The following MCTP1 variants were observed in gnomAD, a reference collection of about 807,000 sequenced individuals.
The protein encoded by MCTP1 is multiple C2 and transmembrane domain containing 1.
MCTP1 carries 69 observed loss-of-function variants against 120.6 expected under a neutral mutation model. The observed-to-expected ratio is 0.57, with a 90% CI of 0.47 to 0.70. The LOEUF is 0.70. Among genes scored for constraint, MCTP1 ranks in the 30% least tolerant of loss-of-function variants. The probability of loss-of-function intolerance (pLI) is 0.00; values close to 1 mark genes in which losing one functional copy is unlikely to be tolerated. For synonymous variants in MCTP1, 529 were observed against 493.1 expected (o/e 1.07, Z -0.96); for missense variants, 1,203 against 1,248.8 (o/e 0.96, Z 0.55).
At chr5:94,723,977 G>A (rs1322554868) in intron 19 of MCTP1, among the ~76,000 whole-genome samples, 1 of 152,048 alleles carries the variant, frequency 6.6e-6, no homozygotes, top group Non-Finnish European at 1.5e-5. Flanking sequence ...ATACTCTAAC[G>A]GATGGAAGAA....
chr5:94,879,336 G>GCAAA (rs1799573417), intron 12 of MCTP1, among the ~76,000 whole-genome samples: 3 of 152,024 alleles, frequency 2.0e-5, no homozygotes, highest in African/African-American at 7.2e-5. Context: ...TTTTCATTAT[G>GCAAA]TAAATTTTCA....
chr5:94,995,432 T>C (rs1272117361), intron 2 of MCTP1, among the ~76,000 whole-genome samples: 2 of 152,168 alleles, frequency 1.3e-5, no homozygotes, highest in Non-Finnish European at 2.9e-5. Context: ...TATAAGAACA[T>C]CGTGTTAAAT....
At chr5:95,094,114 T>A (rs974015098) in intron 1 of MCTP1, among the ~76,000 whole-genome samples, 3 of 152,148 alleles carry the variant, frequency 2.0e-5, no homozygotes, top group Non-Finnish European at 4.4e-5. Flanking sequence ...ACGTGAAGAT[T>A]GAGGTACAAA....
chr5:94,982,997 A>T (rs2153600161), intron 2 of MCTP1, among the ~76,000 whole-genome samples: 1 of 150,208 alleles, frequency 6.7e-6, no homozygotes, highest in South Asian at 2.2e-4. Flanking sequence ...CAAAAATCAG[A>T]TTTGAAGAAT....
At chr5:95,020,614 C>CT (rs1245939737) in intron 1 of MCTP1, among the ~76,000 whole-genome samples, 1 of 151,856 alleles carries the variant, frequency 6.6e-6, no homozygotes, top group African/African-American at 2.4e-5. Context: ...TAAAGCTGTC[C>CT]TTTTTTCCCC....
At chr5:95,252,341 T>C (rs1220309766) in intron 1 of MCTP1, among the ~76,000 whole-genome samples, 1 of 152,170 alleles carries the variant, frequency 6.6e-6, no homozygotes, top group Non-Finnish European at 1.5e-5. Flanking sequence ...AACTGGAAGA[T>C]AGGGGCACTA....
intron 9 of MCTP1, among the ~76,000 whole-genome samples, chr5:94,912,428 CAAAAAAAAAAAAAAAAAAA>C (rs564439495): frequency 3.8e-4 from 12 of 31,424 alleles, no homozygotes; most frequent in African/African-American, 5.8e-4. Flanking sequence ...GAGACTCCAT[CAAAAAAAAAAAAAAAAAAA>C]AAAAAAAAAA....
At chr5:95,170,473 T>C (rs1747100294) in intron 1 of MCTP1, among the ~76,000 whole-genome samples, 1 of 152,194 alleles carries the variant, frequency 6.6e-6, no homozygotes, top group South Asian at 2.1e-4. Context: ...CCTTTTAACT[T>C]TCTGTCTCGT....
intron 1 of MCTP1, among the ~76,000 whole-genome samples, chr5:95,135,596 A>C (rs748829176): frequency 1.3e-4 from 20 of 152,316 alleles, no homozygotes; most frequent in Non-Finnish European, 2.5e-4. Context: ...TGAAGAAGCA[A>C]GACTGGCCTA....
At chr5:94,856,210 A>G (rs1338940303) in intron 17 of MCTP1, among the ~76,000 whole-genome samples, 1 of 151,794 alleles carries the variant, frequency 6.6e-6, no homozygotes, top group East Asian at 1.9e-4. Context: ...CAAATATTAA[A>G]AATGCCTACT....
intron 1 of MCTP1, among the ~76,000 whole-genome samples, chr5:95,095,728 G>A (rs903998090): frequency 6.6e-6 from 1 of 152,176 alleles, no homozygotes. Context: ...TTGAATAGTA[G>A]TCCCTGCTCT....
At chr5:94,849,422 T>G (rs1250720001) in intron 17 of MCTP1, among the ~76,000 whole-genome samples, 2 of 152,152 alleles carry the variant, frequency 1.3e-5, no homozygotes, top group Admixed American at 1.3e-4. Context: ...GTGCCGTTTA[T>G]TTCTTCTGCC....
chr5:95,003,887 A>C (rs1834185795), intron 2 of MCTP1, among the ~76,000 whole-genome samples: 1 of 152,224 alleles, frequency 6.6e-6, no homozygotes, highest in African/African-American at 2.4e-5. Context: ...AAAATGTGGC[A>C]GCAGCTATGG....
At chr5:94,871,824 A>C (rs2153313628) in intron 13 of MCTP1, among the ~76,000 whole-genome samples, 1 of 152,220 alleles carries the variant, frequency 6.6e-6, no homozygotes, top group Non-Finnish European at 1.5e-5. Context: ...TATCAGCAAA[A>C]GTTACAGTAT....
At position 94,875,721 on chromosome 5, in the gene MCTP1, C is replaced by A. The variant is rs1035404764; in HGVS notation, c.1934-2480G>T. ...CATATTATTATTTGACGCTGAAAAA[C>A]AATTCACTGAGCTTAGCCAAGTCAG... On this transcript the variant is annotated intron_variant, in intron 12 of 22. Transcript: ENST00000515393. 2.7e-5 allele frequency among the ~76,000 whole-genome samples: 4 copies of A among 150,350 alleles called. No individual in the cohort carries two copies. The East Asian group carries it at 5.9e-4, about 22-fold the overall frequency.
chr5:94,847,820 G>A (rs1012212624), intron 17 of MCTP1, among the ~76,000 whole-genome samples: 3 of 151,746 alleles, frequency 2.0e-5, no homozygotes, highest in African/African-American at 7.3e-5. Context: ...TGTAACAGAG[G>A]AAACTCTGTT....
chr5:94,871,265 T>C (rs780122411), intron 14 of MCTP1, 50 bp downstream of exon 14: 8 of 1,111,520 alleles, frequency 7.2e-6, no homozygotes, highest in East Asian at 2.4e-5. Flanking sequence ...TTTTTTTTTT[T>C]CCGTGAGCAA....
At chr5:95,207,337 A>G (rs542241233) in intron 1 of MCTP1, among the ~76,000 whole-genome samples, 1 of 152,190 alleles carries the variant, frequency 6.6e-6, no homozygotes, top group Non-Finnish European at 1.5e-5. Context: ...ATAACCTGCA[A>G]GTTGAAATAT....
At position 95,161,925 on chromosome 5, in the gene MCTP1, G is replaced by A. The variant is rs573823229; in HGVS notation, c.720+121931C>T. On this transcript the variant is annotated intron_variant, in intron 1 of 22. Coordinates refer to ENST00000515393, the MANE Select transcript of MCTP1 (RefSeq NM_024717.7). ...ATAGAGGACTTCAGGAATCAGAGTC[G>A]GCTTTGTAAGAAAAACACTCTGATC... is the stretch of plus-strand genomic sequence containing the variant. 1.1e-3 allele frequency among the ~76,000 whole-genome samples: 166 copies of A among 152,212 alleles called. 3 individuals carry two copies. Among genetic ancestry groups the A allele is most frequent in the African/African-American group, 3.8e-3 (156 of 41,538 alleles).
Sources: allele counts gnomAD v4.1 joint callset (sites outside exome capture counted in the v4.1 genomes callset), GRCh38; gene constraint gnomAD v4.1.1; transcripts MANE v1.5; gene names NCBI Gene and HGNC (gene_info 2026-07-23, HGNC 2026-07-21).